The following PRKG1 variants were observed in gnomAD, a reference collection of about 807,000 sequenced individuals.
PRKG1 encodes cGMP-dependent protein kinase 1.
In PRKG1, 35 loss-of-function variants were observed where a neutral mutation model predicts 88.1. The ratio of observed to expected loss-of-function variants is 0.40; its 90% CI spans 0.30 to 0.53. The LOEUF is 0.53. PRKG1 is among the 20% of genes least tolerant of loss of function. The pLI, the probability that PRKG1 is intolerant of heterozygous loss-of-function variation, is 0.59. For synonymous variants in PRKG1, 303 were observed against 292.5 expected, an observed-to-expected ratio of 1.04 and a Z score of -0.37; for missense variants, 540 against 839.8, an observed-to-expected ratio of 0.64 and a Z score of 4.41.
intron 3 of PRKG1, among the ~76,000 whole-genome samples, chr10:51,503,115 G>T (rs148309783): frequency 1.3e-5 from 2 of 152,162 alleles, no homozygotes; most frequent in African/African-American, 4.8e-5. Context: ...GGGAAAGTGC[G>T]CATTGTTAGC....
At chr10:51,104,387 T>C (rs1844766850) in intron 1 of PRKG1, among the ~76,000 whole-genome samples, 1 of 152,206 alleles carries the variant, frequency 6.6e-6, no homozygotes, top group South Asian at 2.1e-4. Flanking sequence ...AACTGTATAT[T>C]GTGATACTGA....
At chr10:51,620,278 GTAGT>G (rs2132260020) in intron 3 of PRKG1, among the ~76,000 whole-genome samples, 1 of 152,132 alleles carries the variant, frequency 6.6e-6, no homozygotes, top group Non-Finnish European at 1.5e-5. Flanking sequence ...AGATTAACTT[GTAGT>G]TAGTAATACC....
chr10:51,034,100 C>T (rs931114631), intron 1 of PRKG1, among the ~76,000 whole-genome samples: 1 of 152,098 alleles, frequency 6.6e-6, no homozygotes, highest in African/African-American at 2.4e-5. Context: ...TGTAAGAAAT[C>T]ACATTTGGAC....
intron 7 of PRKG1, among the ~76,000 whole-genome samples, chr10:52,072,912 T>G (rs72803130): frequency 0.03 from 4,608 of 152,300 alleles, 106 homozygotes; most frequent in Non-Finnish European, 0.04. Flanking sequence ...TTAAGTTTCT[T>G]AGTGTGGCCA....
At chr10:51,912,343 A>G (rs1842237251) in intron 5 of PRKG1, among the ~76,000 whole-genome samples, 1 of 152,164 alleles carries the variant, frequency 6.6e-6, no homozygotes, top group South Asian at 2.1e-4. Flanking sequence ...GGAGATTTTT[A>G]TGGTTGTAAG....
intron 9 of PRKG1, among the ~76,000 whole-genome samples, chr10:52,216,103 CTT>C (rs1227258423): frequency 2.0e-5 from 3 of 152,176 alleles, no homozygotes; most frequent in Non-Finnish European, 4.4e-5. Flanking sequence ...AGCTAGCAGA[CTT>C]GGGAGATTCT....
intron 2 of PRKG1, among the ~76,000 whole-genome samples, chr10:51,243,466 C>A (rs1589273693): frequency 6.6e-6 from 1 of 152,238 alleles, no homozygotes; most frequent in East Asian, 1.9e-4. Context: ...TATGTTTTTC[C>A]CTGCTGTGGT....
chr10:51,680,603 A>G (rs944919154), intron 3 of PRKG1, among the ~76,000 whole-genome samples: 9 of 152,114 alleles, frequency 5.9e-5, no homozygotes, highest in African/African-American at 1.7e-4. Flanking sequence ...AATTTTCAAA[A>G]CTCGGTTCTG....
intron 2 of PRKG1, among the ~76,000 whole-genome samples, chr10:51,188,171 G>A (rs1325677121): frequency 6.6e-6 from 1 of 152,004 alleles, no homozygotes; most frequent in Non-Finnish European, 1.5e-5. Flanking sequence ...TGAGACAGCT[G>A]TGTTTATTGG....
intron 16 of PRKG1, 128 bp downstream of exon 16, chr10:52,289,121 T>C: frequency 1.2e-6 from 1 of 834,790 alleles, no homozygotes; most frequent in Non-Finnish European, 1.9e-6. Flanking sequence ...TATAAACTAG[T>C]AAGGCTTTTA....
At chr10:51,711,386 G>A (rs1028007378) in intron 3 of PRKG1, among the ~76,000 whole-genome samples, 1 of 152,154 alleles carries the variant, frequency 6.6e-6, no homozygotes, top group African/African-American at 2.4e-5. Flanking sequence ...TTACAGGCGT[G>A]AGCCACTGCG....
At chr10:51,620,348 G>T (rs1222262445) in intron 3 of PRKG1, among the ~76,000 whole-genome samples, 1 of 151,956 alleles carries the variant, frequency 6.6e-6, no homozygotes, top group Non-Finnish European at 1.5e-5. Flanking sequence ...TAAGTTCTGT[G>T]GTCATTTGGC....
chr10:51,609,677 T>A (rs952967713), intron 3 of PRKG1, among the ~76,000 whole-genome samples: 5 of 152,212 alleles, frequency 3.3e-5, no homozygotes, highest in Admixed American at 6.5e-5. Context: ...AATGAGGTCA[T>A]GTTCTTTGCA....
intron 5 of PRKG1, among the ~76,000 whole-genome samples, chr10:51,952,431 T>C (rs1843206487): frequency 6.6e-6 from 1 of 152,226 alleles, no homozygotes; most frequent in African/African-American, 2.4e-5. Context: ...TGGGGGACTT[T>C]AGGCTCTTTT....
At chr10:51,763,481 G>T (rs1838075870) in intron 3 of PRKG1, among the ~76,000 whole-genome samples, 1 of 151,772 alleles carries the variant, frequency 6.6e-6, no homozygotes, top group African/African-American at 2.4e-5. Context: ...TTGAACTCCT[G>T]GTCTCAAGCA....
intron 14 of PRKG1, among the ~76,000 whole-genome samples, chr10:52,286,408 C>G (rs1252341423): frequency 9.2e-5 from 14 of 151,990 alleles, no homozygotes; most frequent in Admixed American, 5.9e-4. Flanking sequence ...CTCAAAAACA[C>G]TACTATTCAA....
intron 7 of PRKG1, among the ~76,000 whole-genome samples, chr10:52,114,990 G>A (rs775858782): frequency 1.3e-5 from 2 of 152,024 alleles, no homozygotes; most frequent in African/African-American, 4.8e-5. Flanking sequence ...TTACTGTCAC[G>A]CACACGAAAT....
intron 2 of PRKG1, among the ~76,000 whole-genome samples, chr10:51,179,314 G>T (rs988172731): frequency 4.6e-5 from 7 of 152,176 alleles, no homozygotes; most frequent in African/African-American, 1.4e-4. Context: ...TTCTTAAAAA[G>T]AAGTTTTTAA....
intron 4 of PRKG1, among the ~76,000 whole-genome samples, chr10:51,851,064 G>A (rs1339051708): frequency 6.6e-6 from 1 of 151,990 alleles, no homozygotes; most frequent in African/African-American, 2.4e-5. Flanking sequence ...GTGCTTTTGG[G>A]ACAACCCAGA....
Sources: allele counts gnomAD v4.1 joint callset (sites outside exome capture counted in the v4.1 genomes callset), GRCh38; gene constraint gnomAD v4.1.1; transcripts MANE v1.5; gene names NCBI Gene and HGNC (gene_info 2026-07-23, HGNC 2026-07-21).